CDH23: variants seen among roughly 807,000 people sequenced by gnomAD.
CDH23 encodes cadherin related 23, also known as cadherin-23.
A neutral mutation model predicts 317.1 loss-of-function variants in CDH23; 189 were observed. The observed-to-expected ratio is 0.60, with a 90% CI of 0.53 to 0.67. The LOEUF is 0.67. CDH23 is among the 30% of genes least tolerant of loss of function. The pLI is 0.00. For synonymous variants in CDH23, 1,839 were observed against 1,876.8 expected (o/e 0.98, Z 0.52); for missense variants, 4,401 against 4,592.4 (o/e 0.96, Z 1.20).
At chr10:71,426,795 T>C (rs1334447249) in intron 1 of CDH23, among the ~76,000 whole-genome samples, 13 of 152,208 alleles carry the variant, frequency 8.5e-5, no homozygotes, top group Non-Finnish European at 1.8e-4. Flanking sequence ...TATTAGGGCA[T>C]GCACAGATAT....
At chr10:71,761,460 C>A (rs1249037372) in intron 38 of CDH23, 21 of 1,061,980 alleles carry the variant, frequency 2.0e-5, no homozygotes, top group Admixed American at 8.7e-5. Flanking sequence ...ACCACCCCAT[C>A]TCACCCACAC....
At chr10:71,429,699 C>T (rs1849279262) in intron 1 of CDH23, among the ~76,000 whole-genome samples, 1 of 152,146 alleles carries the variant, frequency 6.6e-6, no homozygotes, top group African/African-American at 2.4e-5. Flanking sequence ...GACTGACTGG[C>T]TGGATAGAGA....
chr10:71,507,942 A>C (rs902193888), intron 3 of CDH23, among the ~76,000 whole-genome samples: 10 of 152,218 alleles, frequency 6.6e-5, no homozygotes, highest in Non-Finnish European at 1.2e-4. Context: ...CAACTTGCCA[A>C]ATGCCTTCAG....
rs565506486 is a variant in CDH23 at position 71,542,135 on chromosome 10, G to T, written c.430-24607G>T. On this transcript the variant is annotated intron_variant, in intron 6 of 69. Coordinates refer to ENST00000224721, the MANE Select transcript of CDH23 (RefSeq NM_022124.6). ...AGGAGGAAGGCGCCTTCTATCTAGG[G>T]ATCGCTCAGTGTGTGAAGACCCTCT... is the stretch of plus-strand genomic sequence containing the variant. Among the ~76,000 whole-genome samples, 6 of 152,304 alleles carry T rather than the reference G, an allele frequency of 3.9e-5. No homozygotes were observed. The South Asian group carries it at 1.2e-3, about 32-fold the overall frequency.
chr10:71,800,771 C>T lies in CDH23; in HGVS notation c.7482+16C>T. 1 of 1,612,860 alleles carries T rather than the reference C, an allele frequency of 6.2e-7. No homozygotes were observed. The highest frequency in any genetic ancestry group is 2.2e-5 in the East Asian group (1 of 44,864). Reference sequence around the variant, plus strand: ...TTCAGTGCAGGTGAGGGGTGCCAACCTGGGCCAGGGATGACAGGGACTGGG... The same window carrying T: ...TTCAGTGCAGGTGAGGGGTGCCAACTTGGGCCAGGGATGACAGGGACTGGG... On this transcript the variant is annotated intron_variant, in intron 53 of 69. Coordinates refer to ENST00000224721, the MANE Select transcript of CDH23 (RefSeq NM_022124.6).
intron 6 of CDH23, among the ~76,000 whole-genome samples, chr10:71,520,810 A>G (rs10999860): frequency 0.72 from 109,641 of 152,124 alleles, 40,382 homozygotes; most frequent in African/African-American, 0.86. Flanking sequence ...TTCAAGTATT[A>G]TCCAAACAGC....
At position 71,815,482 on chromosome 10, in the gene CDH23, A is replaced by G. The variant is rs2290022; in HGVS notation, c.*204A>G. The G allele has an allele frequency of 0.13, 61,602 of 471,326 alleles. 5,873 individuals are homozygous for G. The highest frequency in any genetic ancestry group is 0.39 in the East Asian group (12,317 of 31,692). 29.2% of individuals were successfully genotyped at this position (471,326 alleles called of 1,614,324 possible). A position where few individuals can be genotyped will look rare whatever the true frequency, so the allele number is the denominator to read the frequency against. On this transcript the variant is annotated 3_prime_UTR_variant, in exon 70 of 70. Transcript: ENST00000224721. ...TTCAGCATCTGACCTCTACCTTCAT[A>G]AGATCTGTTATTTTTATAAGAAAAC...
chr10:71,630,974 C>T (rs546004660), intron 11 of CDH23, among the ~76,000 whole-genome samples: 5 of 152,206 alleles, frequency 3.3e-5, no homozygotes, highest in South Asian at 2.1e-4. Context: ...GCCGGCATGG[C>T]GGCCCACACC....
At chr10:71,450,777 T>C (rs1191112817) in intron 3 of CDH23, among the ~76,000 whole-genome samples, 1 of 152,134 alleles carries the variant, frequency 6.6e-6, no homozygotes, top group Admixed American at 6.5e-5. Flanking sequence ...GCTCAGCTCT[T>C]GTCTCTCCTC....
chr10:71,763,698 C>T (rs368912248), intron 38 of CDH23, among the ~76,000 whole-genome samples: 6 of 152,186 alleles, frequency 3.9e-5, no homozygotes, highest in Admixed American at 2.0e-4. Flanking sequence ...GTTGAGGCAA[C>T]GGTTAGTAAT....
intron 3 of CDH23, among the ~76,000 whole-genome samples, chr10:71,469,469 A>C (rs1364141186): frequency 6.6e-6 from 1 of 152,244 alleles, no homozygotes; most frequent in Admixed American, 6.5e-5. Flanking sequence ...GTATAACCAC[A>C]GTTTATTCCT....
chr10:71,682,393 G>A (rs955381162), intron 17 of CDH23, 52 bp from the exon 18 acceptor site: 45 of 1,596,712 alleles, frequency 2.8e-5, no homozygotes, highest in Admixed American at 2.6e-4. Context: ...CTGTCTGGAC[G>A]GGCATCTCAA....
chr10:71,459,591 G>T (rs1213172085), intron 3 of CDH23, among the ~76,000 whole-genome samples: 3 of 152,116 alleles, frequency 2.0e-5, no homozygotes, highest in Admixed American at 6.5e-5. Context: ...CTCTTCCAAG[G>T]GACATTTTCA....
At chr10:71,416,756 C>A (rs1377710111) in intron 1 of CDH23, among the ~76,000 whole-genome samples, 2 of 151,972 alleles carry the variant, frequency 1.3e-5, no homozygotes, top group East Asian at 1.9e-4. Flanking sequence ...CAACCTTGAA[C>A]TCCTGGGCTC....
chr10:71,469,849 C>T (rs554885156), intron 3 of CDH23, among the ~76,000 whole-genome samples: 4 of 152,274 alleles, frequency 2.6e-5, no homozygotes, highest in Admixed American at 6.5e-5. Flanking sequence ...AGGTGGTCTG[C>T]CCGCCTTGGC....
intron 24 of CDH23, 123 bp downstream of exon 24, chr10:71,702,817 A>C (rs555254895): frequency 9.1e-7 from 1 of 1,095,156 alleles, no homozygotes; most frequent in East Asian, 2.4e-5. Context: ...TGAAGGACAG[A>C]GGCTCTGGAG....
intron 3 of CDH23, among the ~76,000 whole-genome samples, chr10:71,466,310 C>T (rs1180683254): frequency 6.6e-6 from 1 of 151,990 alleles, no homozygotes; most frequent in Non-Finnish European, 1.5e-5. Context: ...GTGTGTGAGT[C>T]CCTTCCCATG....
At chr10:71,635,059 G>A (rs998555029) in intron 11 of CDH23, among the ~76,000 whole-genome samples, 3 of 152,248 alleles carry the variant, frequency 2.0e-5, no homozygotes, top group Non-Finnish European at 4.4e-5. Flanking sequence ...TTGGAAGTCT[G>A]TGCCCAGGAA....
At chr10:71,561,188 T>C (rs1358540590) in intron 6 of CDH23, among the ~76,000 whole-genome samples, 1 of 152,110 alleles carries the variant, frequency 6.6e-6, no homozygotes, top group Admixed American at 6.6e-5. Flanking sequence ...TCCTCCCTTT[T>C]CTCTCGCAAA....
Sources: allele counts gnomAD v4.1 joint callset (sites outside exome capture counted in the v4.1 genomes callset), GRCh38; gene constraint gnomAD v4.1.1; transcripts MANE v1.5; gene names NCBI Gene and HGNC (gene_info 2026-07-23, HGNC 2026-07-21).